CAPN14: variants seen among roughly 807,000 people sequenced by gnomAD.
CAPN14 encodes calpain 14, also known as calpain-14.
CAPN14 carries 94 observed loss-of-function variants against 101.3 expected under a neutral mutation model. The ratio of observed to expected loss-of-function variants is 0.93; its 90% CI spans 0.79 to 1.10. The LOEUF (loss-of-function observed/expected upper bound fraction) is 1.10, where lower values mean the gene tolerates loss of function less well. CAPN14 is among the 50% of genes least tolerant of loss of function. CAPN14 has a pLI of 0.00. For missense variants in CAPN14, 837 were observed against 828.4 expected, an observed-to-expected ratio of 1.01 and a Z score of -0.13; for synonymous variants, 338 against 317.9, an observed-to-expected ratio of 1.06 and a Z score of -0.67.
intron 1 of CAPN14, among the ~76,000 whole-genome samples, chr2:31,212,312 C>A (rs141334066): frequency 0.02 from 2,184 of 108,382 alleles, no homozygotes; most frequent in East Asian, 0.023. Context: ...CGTCTCAAAA[C>A]AAAAAAAAAA....
At chr2:31,231,831 C>A (rs974913296) in intron 1 of CAPN14, among the ~76,000 whole-genome samples, 1 of 152,198 alleles carries the variant, frequency 6.6e-6, no homozygotes. Context: ...TGGCACGGGG[C>A]CGCAAGCCTT....
chr2:31,221,749 G>A (rs569821978), upstream of CAPN14, among the ~76,000 whole-genome samples: 340 of 152,236 alleles, frequency 2.2e-3, no homozygotes, highest in African/African-American at 7.6e-3. Context: ...GGGTATAGTC[G>A]GAAAGAAGCC....
rs1360920852 is a variant in CAPN14, at chr2:31,202,177, T to C, written c.371A>G (p.Asn124Ser). The C allele has an allele frequency of 1.3e-6, 2 of 1,551,824 alleles. No individual in the cohort carries two copies. The highest frequency in any genetic ancestry group is 1.4e-5 in the African/African-American group (1 of 73,156). Residue 124 changes from asparagine to serine, a missense_variant, in exon 4 of 22, where the codon AAT becomes AGT. Transcript: ENST00000403897. ...QDILSRVVPL[N>S]QSFTEKYAGI... ...AGCATACTTCTCAGTGAAACTCTGA[T>C]TCAGGGGAACAACCCGGCTCAGGAT...
At position 31,200,507 on chromosome 2, in the gene CAPN14, T is replaced by A; in HGVS notation, c.670A>T (p.Ile224Phe). The change falls in exon 6 of 22, where the codon ATC becomes TTC. Residue 224 changes from isoleucine (I) to phenylalanine (F), a missense_variant. Transcript: ENST00000403897. Reference sequence around the variant, plus strand: ...CTGTTGTAGGTGGCTTCGATGAGGATGTCCCAGAGGTTGCCATGGGCTTCT... The same window carrying A: ...CTGTTGTAGGTGGCTTCGATGAGGAAGTCCCAGAGGTTGCCATGGGCTTCT... ...LAEAHGNLWD[I>F]LIEATYNRTL... 1 of 1,551,464 alleles carries A rather than the reference T, an allele frequency of 6.4e-7. No individual in the cohort carries two copies. The highest frequency in any genetic ancestry group is 8.7e-7 in the Non-Finnish European group (1 of 1,146,998).
intron 2 of CAPN14, among the ~76,000 whole-genome samples, chr2:31,223,653 C>T (rs1682930401): frequency 6.6e-6 from 1 of 151,460 alleles, no homozygotes; most frequent in Admixed American, 6.6e-5. Context: ...TTCAGCCTCC[C>T]AAGTAGCTGG....
chr2:31,207,203 A>G (rs1220335657), intron 1 of CAPN14, among the ~76,000 whole-genome samples: 2 of 152,160 alleles, frequency 1.3e-5, no homozygotes, highest in East Asian at 1.9e-4. Context: ...GGTCCTCTCC[A>G]TTTGTCAAGG....
At chr2:31,217,886 T>C (rs1682721186), upstream of CAPN14, among the ~76,000 whole-genome samples, 1 of 152,148 alleles carries the variant, frequency 6.6e-6, no homozygotes, top group African/African-American at 2.4e-5. Flanking sequence ...GAGATTCCTG[T>C]ACATCCCTAT....
chr2:31,229,093 C>T (rs184778037), intron 1 of CAPN14, among the ~76,000 whole-genome samples: 1 of 152,142 alleles, frequency 6.6e-6, no homozygotes, highest in Non-Finnish European at 1.5e-5. Flanking sequence ...TAAACTTCAA[C>T]AATATGTTCT....
rs193107226 is a variant in CAPN14, at chr2:31,190,797, A to G, written c.1287+602T>C. Among the ~76,000 whole-genome samples the G allele has an allele frequency of 7.9e-5, 12 of 152,324 alleles. No individual in the cohort carries two copies. The East Asian group carries it at 2.3e-3, about 29-fold the overall frequency. On this transcript the variant is annotated intron_variant, in intron 12 of 21. Transcript: ENST00000403897. ...GATTCAATCCAACCTGAGAAAATTA[A>G]GCATTTTACTCCTGTTTTCTTTGGG...
intron 13 of CAPN14, 117 bp from the exon 14 acceptor site, chr2:31,188,471 C>T (rs1036115285): frequency 3.6e-6 from 3 of 838,480 alleles, no homozygotes; most frequent in South Asian, 1.4e-5. Flanking sequence ...ACCACAAGGG[C>T]CCACCCAGCT....
intron 8 of CAPN14, among the ~76,000 whole-genome samples, chr2:31,196,322 T>C (rs1681467908): frequency 6.6e-6 from 1 of 152,220 alleles, no homozygotes; most frequent in Non-Finnish European, 1.5e-5. Flanking sequence ...CTTGTTCCTC[T>C]ATGAAAGAAA....
At chr2:31,226,387 T>C (rs925081803) in intron 2 of CAPN14, 1 of 152,228 alleles carries the variant, frequency 6.6e-6, no homozygotes, top group African/African-American at 2.4e-5. Flanking sequence ...TAATCTTTGT[T>C]TGCTTGTCAA....
rs544337865 is a variant in CAPN14, at chr2:31,195,250, C to A, written c.876-767G>T. ...AGCTTTAATCTGTGCTTTCTGAAAG[C>A]GAAACTCCCTAAGACTGGACCGTAA... is the stretch of plus-strand genomic sequence containing the variant. On this transcript the variant is annotated intron_variant, in intron 8 of 21. Coordinates refer to ENST00000403897, the MANE Select transcript of CAPN14 (RefSeq NM_001145122.2). Among the ~76,000 whole-genome samples, 11 of 152,182 alleles carry A rather than the reference C, an allele frequency of 7.2e-5. 1 individual carries two copies. In the South Asian group the frequency reaches 1.0e-3, roughly 14 times the overall value.
At chr2:31,228,090 C>T (rs538700215) in intron 1 of CAPN14, among the ~76,000 whole-genome samples, 4 of 152,336 alleles carry the variant, frequency 2.6e-5, no homozygotes, top group African/African-American at 9.6e-5. Context: ...GGGAGGCACG[C>T]ATGCGTGCAT....
intron 1 of CAPN14, among the ~76,000 whole-genome samples, chr2:31,208,432 C>G (rs1285832830): frequency 6.6e-6 from 1 of 152,158 alleles, no homozygotes; most frequent in African/African-American, 2.4e-5. Context: ...TTACCAAGTG[C>G]TGGGTCATAC....
intron 1 of CAPN14, among the ~76,000 whole-genome samples, chr2:31,227,991 C>T (rs1683075080): frequency 6.6e-6 from 1 of 152,124 alleles, no homozygotes; most frequent in Admixed American, 6.6e-5. Flanking sequence ...GAGTGGGTGC[C>T]CACCAGGCAG....
intron 7 of CAPN14, among the ~76,000 whole-genome samples, chr2:31,198,514 T>C (rs756751738): frequency 6.6e-6 from 1 of 152,188 alleles, no homozygotes; most frequent in Non-Finnish European, 1.5e-5. Flanking sequence ...GAGGATGAAA[T>C]GAGTCCACGT....
intron 9 of CAPN14, among the ~76,000 whole-genome samples, chr2:31,194,035 C>T (rs1358354329): frequency 6.6e-6 from 1 of 152,060 alleles, no homozygotes; most frequent in Non-Finnish European, 1.5e-5. Context: ...CTCTGGAGGG[C>T]ACTGGTCAGG....
intron 2 of CAPN14, among the ~76,000 whole-genome samples, chr2:31,224,064 TG>T (rs1682946486): frequency 6.6e-6 from 1 of 152,222 alleles, no homozygotes; most frequent in Non-Finnish European, 1.5e-5. Context: ...TTAAATCTCT[TG>T]TCTCTTTAAC....
Sources: gnomAD v4.1 joint callset for allele counts (sites outside exome capture counted in the v4.1 genomes callset) on GRCh38, gnomAD v4.1.1 for gene constraint, MANE v1.5 for transcripts, NCBI Gene and HGNC (gene_info 2026-07-23, HGNC 2026-07-21) for gene names.